DNAH11: variants seen among roughly 807,000 people sequenced by gnomAD.
The protein encoded by DNAH11 is dynein axonemal heavy chain 11.
A neutral mutation model predicts 526.0 loss-of-function variants in DNAH11; 442 were observed. The observed-to-expected ratio is 0.84, with a 90% confidence interval of 0.78 to 0.91. The LOEUF (loss-of-function observed/expected upper bound fraction) is 0.91, where lower values mean the gene tolerates loss of function less well. Among genes scored for constraint, DNAH11 ranks in the 40% least tolerant of loss-of-function variants. The pLI is 0.00. For synonymous variants in DNAH11, 2,461 were observed against 1,935.9 expected (o/e 1.27, Z -7.12); for missense variants, 6,989 against 5,448.7 (o/e 1.28, Z -8.90).
chr7:21,812,924 G>T (rs538935838), intron 63 of DNAH11, among the ~76,000 whole-genome samples: 1 of 152,140 alleles, frequency 6.6e-6, no homozygotes, highest in Non-Finnish European at 1.5e-5. Context: ...ACCCTTGGGG[G>T]AGAGCCTGGT....
chr7:21,543,513 C>T lies in DNAH11; in HGVS notation c.268C>T (p.Leu90Phe), dbSNP rs1187499106. 1 of 1,609,550 alleles carries T rather than the reference C, an allele frequency of 6.2e-7. No homozygotes were observed. Among genetic ancestry groups the T allele is most frequent in the African/African-American group, 1.3e-5 (1 of 75,020 alleles). Residue 90 changes from leucine to phenylalanine, a missense_variant, in exon 1 of 82, where the codon CTT (leucine) becomes TTT (phenylalanine). Leu to Phe is a conservative substitution (Grantham distance 22). Coordinates refer to ENST00000409508, the MANE Select transcript of DNAH11 (RefSeq NM_001277115.2). ...YLESEDNRQVLGEFLESTSPA... is the reference protein window; with the variant it reads ...YLESEDNRQVFGEFLESTSPA... ...GGAAAGCGAGGACAACCGGCAGGTT[C>T]TTGGGGAGTTTCTGGAAAGCACCAG...
At chr7:21,709,040 C>T (rs779469911) in intron 40 of DNAH11, among the ~76,000 whole-genome samples, 12 of 152,124 alleles carry the variant, frequency 7.9e-5, no homozygotes, top group East Asian at 1.9e-4. Context: ...AAATTTAAAA[C>T]GGAACTACCG....
At chr7:21,626,225 A>G (rs1348249892) in intron 25 of DNAH11, among the ~76,000 whole-genome samples, 1 of 152,148 alleles carries the variant, frequency 6.6e-6, no homozygotes, top group Non-Finnish European at 1.5e-5. Context: ...TTGTCTTTCT[A>G]TGCTTGCCTT....
intron 34 of DNAH11, among the ~76,000 whole-genome samples, chr7:21,688,381 G>A (rs1783472504): frequency 6.6e-6 from 1 of 152,142 alleles, no homozygotes; most frequent in Non-Finnish European, 1.5e-5. Context: ...ATGTTTTATT[G>A]TTATTATTTC....
At chr7:21,774,998 A>G (rs187076905) in intron 56 of DNAH11, among the ~76,000 whole-genome samples, 3 of 152,326 alleles carry the variant, frequency 2.0e-5, no homozygotes, top group Non-Finnish European at 4.4e-5. Flanking sequence ...TGGCTAGGCT[A>G]GAAATGAACT....
At chr7:21,581,759 TC>T (rs1168812510) in intron 8 of DNAH11, 145 bp from the exon 9 acceptor site, 51 of 603,664 alleles carry the variant, frequency 8.4e-5, no homozygotes, top group Non-Finnish European at 2.4e-5. Flanking sequence ...TTCTTGAACT[TC>T]CGTAGAATGC....
At chr7:21,723,675 C>G (rs1002833714) in intron 44 of DNAH11, among the ~76,000 whole-genome samples, 2 of 152,122 alleles carry the variant, frequency 1.3e-5, no homozygotes, top group Non-Finnish European at 2.9e-5. Context: ...ATTTACAAGG[C>G]CTCTGAATCT....
chr7:21,547,039 A>G (rs755131470), intron 2 of DNAH11, among the ~76,000 whole-genome samples: 1 of 152,212 alleles, frequency 6.6e-6, no homozygotes, highest in Non-Finnish European at 1.5e-5. Context: ...GAGAAAGTTT[A>G]TTTTTCTTAC....
At chr7:21,664,401 C>G (rs189888336) in intron 30 of DNAH11, among the ~76,000 whole-genome samples, 302 of 151,736 alleles carry the variant, frequency 2.0e-3, no homozygotes, top group Non-Finnish European at 3.1e-3. Context: ...CAGTGTATCT[C>G]CCCTCGCCCC....
At chr7:21,704,704 G>C in intron 38 of DNAH11, 76 bp downstream of exon 38, 2 of 1,477,056 alleles carry the variant, frequency 1.4e-6, no homozygotes, top group Non-Finnish European at 1.8e-6. Flanking sequence ...TGATACTAAA[G>C]CAAGATGTTA....
intron 62 of DNAH11, among the ~76,000 whole-genome samples, chr7:21,805,638 G>A (rs776191205): frequency 5.9e-5 from 9 of 152,098 alleles, no homozygotes; most frequent in Non-Finnish European, 1.0e-4. Context: ...ACTGTTTTCC[G>A]GGACTAGTTA....
At position 21,716,945 on chromosome 7, in the gene DNAH11, C is replaced by G. The variant is rs973232715; in HGVS notation, c.6984-830C>G. Among the ~76,000 whole-genome samples, 3 of 152,106 alleles carry G rather than the reference C, an allele frequency of 2.0e-5. No individual in the cohort carries two copies. In the East Asian group the frequency reaches 5.8e-4, roughly 29 times the overall value. ...TCTTGCCTTAATGTCTCCTGATGCT[C>G]AAAATGCAAGGTGTAGCTGAAATTG... On this transcript the variant is annotated intron_variant, in intron 42 of 81. Coordinates refer to ENST00000409508, the MANE Select transcript of DNAH11 (RefSeq NM_001277115.2).
intron 25 of DNAH11, among the ~76,000 whole-genome samples, chr7:21,630,159 A>T: frequency 6.6e-6 from 1 of 152,036 alleles, no homozygotes; most frequent in East Asian, 1.9e-4. Context: ...CTTATATTAG[A>T]TCACAAAGAA....
chr7:21,571,860 G>A lies in DNAH11; in HGVS notation c.1480G>A (p.Gly494Ser), dbSNP rs1248037609. 6.2e-7 allele frequency: 1 copy of A among 1,612,710 alleles called. No individual in the cohort carries two copies. The highest frequency in any genetic ancestry group is 1.3e-5 in the African/African-American group (1 of 74,856). Reference sequence around the variant, plus strand: ...AAAGCTGGAAAGACTGGAATTTGGTGGTACCAAAGGAGCAATTTTAAATGG... The same window carrying A: ...AAAGCTGGAAAGACTGGAATTTGGTAGTACCAAAGGAGCAATTTTAAATGG... Reference protein sequence around the residue: ...FEKLERLEFGGTKGAILNGQV... With the variant: ...FEKLERLEFGSTKGAILNGQV... The change falls in exon 8 of 82, where the codon GGT becomes AGT. Residue 494 changes from glycine (G) to serine (S), a missense_variant. Coordinates refer to ENST00000409508, the MANE Select transcript of DNAH11 (RefSeq NM_001277115.2).
chr7:21,627,871 T>C (rs936063648), intron 25 of DNAH11, among the ~76,000 whole-genome samples: 2 of 152,210 alleles, frequency 1.3e-5, no homozygotes, highest in Admixed American at 6.5e-5. Flanking sequence ...TTGGGTAATA[T>C]TGTCATTTTA....
intron 52 of DNAH11, 125 bp downstream of exon 52, chr7:21,748,867 C>A (rs1241571026): frequency 7.3e-6 from 7 of 958,152 alleles, no homozygotes; most frequent in Non-Finnish European, 1.0e-5. Flanking sequence ...CACGGGAGAG[C>A]GGGAGCTCTT....
chr7:21,844,323 G>A (rs1403160137), intron 66 of DNAH11, among the ~76,000 whole-genome samples: 1 of 152,174 alleles, frequency 6.6e-6, no homozygotes, highest in Non-Finnish European at 1.5e-5. Context: ...CTACTGAGGA[G>A]GCTGAGGCAC....
chr7:21,586,668 A>G (rs1041771455), intron 9 of DNAH11, among the ~76,000 whole-genome samples: 2 of 152,198 alleles, frequency 1.3e-5, no homozygotes, highest in African/African-American at 4.8e-5. Context: ...TTTCCTTAAG[A>G]AAAAGAACAA....
At chr7:21,573,730 C>T (rs1362396219) in intron 8 of DNAH11, among the ~76,000 whole-genome samples, 2 of 152,124 alleles carry the variant, frequency 1.3e-5, no homozygotes, top group East Asian at 3.9e-4. Flanking sequence ...CATGCCCAAC[C>T]TCTGCCCTTC....
Sources: gnomAD v4.1 joint callset for allele counts (sites outside exome capture counted in the v4.1 genomes callset) on GRCh38, gnomAD v4.1.1 for gene constraint, MANE v1.5 for transcripts, NCBI Gene and HGNC (gene_info 2026-07-23, HGNC 2026-07-21) for gene names.